The following USH2A variants were observed in gnomAD, a reference collection of about 807,000 sequenced individuals.
USH2A encodes the protein Usher syndrome 2A (autosomal recessive, mild).
A neutral mutation model predicts 538.9 loss-of-function variants in USH2A; 443 were observed. The observed-to-expected ratio is 0.82, with a 90% CI of 0.76 to 0.89. The LOEUF (loss-of-function observed/expected upper bound fraction) is 0.89, where lower values mean the gene tolerates loss of function less well. Ranked by LOEUF, USH2A falls within the 40% of genes least tolerant of loss-of-function variation. USH2A has a pLI of 0.00. For missense variants in USH2A, 6,633 were observed against 6,324.8 expected (o/e 1.05, Z -1.65); for synonymous variants, 2,413 against 2,273.5 (o/e 1.06, Z -1.75).
chr1:215,691,945 T>C (rs1484776385), intron 61 of USH2A, among the ~76,000 whole-genome samples: 1 of 152,080 alleles, frequency 6.6e-6, no homozygotes, highest in African/African-American at 2.4e-5. Flanking sequence ...CCAAACTCAG[T>C]GGCAGATGCA....
chr1:216,218,977 C>T (rs2035399169), intron 14 of USH2A, among the ~76,000 whole-genome samples: 2 of 121,532 alleles, frequency 1.6e-5, no homozygotes, highest in Admixed American at 1.9e-4. Flanking sequence ...AAGAGAAAAG[C>T]TTCTCTCAAT....
intron 61 of USH2A, among the ~76,000 whole-genome samples, chr1:215,715,880 C>T (rs1659467692): frequency 6.6e-6 from 1 of 152,180 alleles, no homozygotes; most frequent in African/African-American, 2.4e-5. Flanking sequence ...TATTGCCTGG[C>T]AATTTTCTTG....
At chr1:216,123,287 T>C (rs918766714) in intron 21 of USH2A, among the ~76,000 whole-genome samples, 33 of 152,158 alleles carry the variant, frequency 2.2e-4, no homozygotes, top group Non-Finnish European at 4.6e-4. Context: ...AAAAAGTAGG[T>C]AAAGAGTAAG....
intron 32 of USH2A, among the ~76,000 whole-genome samples, chr1:216,011,503 T>G (rs572191267): frequency 6.6e-6 from 1 of 152,202 alleles, no homozygotes; most frequent in Admixed American, 6.5e-5. Flanking sequence ...CTCAATCCCT[T>G]ACAAAACAAC....
rs1401035929 is a variant in USH2A at position 215,998,992 on chromosome 1, T to G, written c.6552A>C (p.Thr2184=). Residue 2184 remains threonine, a synonymous_variant, in exon 34 of 72, where the codon ACA becomes ACC. Coordinates refer to ENST00000307340, the MANE Select transcript of USH2A (RefSeq NM_206933.4). ...ERYVLYMSNH[T]HDFTIWSVIY... The stretch of plus-strand genomic sequence containing the variant: ...TGACACTCCAAATTGTAAAATCATG[T>G]GTATGGTTTGACATATATAATACAT... 1 of 1,612,716 alleles carries G rather than the reference T, an allele frequency of 6.2e-7. No individual in the cohort carries two copies. The highest frequency in any genetic ancestry group is 1.7e-5 in the Admixed American group (1 of 59,956).
At chr1:216,263,147 C>A (rs1355674928) in intron 11 of USH2A, among the ~76,000 whole-genome samples, 1 of 152,098 alleles carries the variant, frequency 6.6e-6, no homozygotes, top group Non-Finnish European at 1.5e-5. Flanking sequence ...AGTCTCCCAA[C>A]AAAGAAAAGT....
chr1:215,635,967 C>T (rs763895332), intron 69 of USH2A, among the ~76,000 whole-genome samples: 45 of 95,624 alleles, frequency 4.7e-4, no homozygotes, highest in Non-Finnish European at 7.3e-4. Flanking sequence ...AGCAGGGGTG[C>T]GGCAGGGGTG....
intron 14 of USH2A, among the ~76,000 whole-genome samples, chr1:216,223,643 C>G (rs1392746995): frequency 1.3e-5 from 2 of 152,254 alleles, no homozygotes; most frequent in Non-Finnish European, 2.9e-5. Flanking sequence ...GCCTTGGCTG[C>G]CAGATGATGA....
intron 3 of USH2A, among the ~76,000 whole-genome samples, chr1:216,388,172 T>C (rs2039037047): frequency 6.6e-6 from 1 of 152,214 alleles, no homozygotes; most frequent in East Asian, 1.9e-4. Flanking sequence ...TTTTCTCAAA[T>C]GAATTGAATG....
chr1:216,172,100 G>A (rs1271435350), intron 21 of USH2A, among the ~76,000 whole-genome samples: 1 of 151,954 alleles, frequency 6.6e-6, no homozygotes, highest in East Asian at 1.9e-4. Flanking sequence ...AACATTTTAG[G>A]ACATATATTC....
intron 21 of USH2A, among the ~76,000 whole-genome samples, chr1:216,112,918 G>A (rs559565241): frequency 2.0e-5 from 3 of 151,946 alleles, no homozygotes; most frequent in African/African-American, 4.8e-5. Flanking sequence ...ATGAACACCC[G>A]CGAGCATGTG....
At position 216,340,491 on chromosome 1, in the gene USH2A, T is replaced by C. The variant is rs56183214; in HGVS notation, c.785-12837A>G. Among the ~76,000 whole-genome samples, 546 of 147,720 alleles carry C rather than the reference T, an allele frequency of 3.7e-3. 2 individuals are homozygous for C. The highest frequency in any genetic ancestry group is 0.013 in the African/African-American group (521 of 39,396). Reference sequence around the variant, plus strand: ...AGGAATTCCTCCCTAACTCATTTTATGAGGCCAGCATCATCCTGATACAAA... The same window carrying C: ...AGGAATTCCTCCCTAACTCATTTTACGAGGCCAGCATCATCCTGATACAAA... On this transcript the variant is annotated intron_variant, in intron 4 of 71. Transcript: ENST00000307340.
intron 59 of USH2A, among the ~76,000 whole-genome samples, chr1:215,742,848 A>G (rs1368754264): frequency 6.6e-6 from 1 of 152,196 alleles, no homozygotes; most frequent in East Asian, 1.9e-4. Flanking sequence ...TATGTTTTCT[A>G]TGAAATATTT....
intron 61 of USH2A, among the ~76,000 whole-genome samples, chr1:215,716,284 G>C (rs1232700612): frequency 6.6e-6 from 1 of 152,250 alleles, no homozygotes; most frequent in Non-Finnish European, 1.5e-5. Context: ...CTTGATAACT[G>C]TTTCATAATG....
At chr1:215,963,464 C>G (rs914645375) in intron 37 of USH2A, among the ~76,000 whole-genome samples, 2 of 152,090 alleles carry the variant, frequency 1.3e-5, no homozygotes, top group African/African-American at 4.8e-5. Context: ...TTCTTTAAGT[C>G]AAATCTCGTA....
At chr1:215,779,180 A>G (rs1270144509) in intron 55 of USH2A, among the ~76,000 whole-genome samples, 1 of 152,188 alleles carries the variant, frequency 6.6e-6, no homozygotes. Flanking sequence ...TGTGTTAGAG[A>G]ACCTATTCGA....
chr1:216,066,224 A>T (rs760204214), intron 30 of USH2A, among the ~76,000 whole-genome samples: 8 of 152,014 alleles, frequency 5.3e-5, no homozygotes, highest in Non-Finnish European at 7.4e-5. Context: ...TAATCCCAGC[A>T]CTTTGGGAGG....
chr1:215,626,194 GA>G (rs1041650560), intron 71 of USH2A, among the ~76,000 whole-genome samples: 4 of 150,246 alleles, frequency 2.7e-5, no homozygotes, highest in African/African-American at 9.8e-5. Flanking sequence ...ATATATACTT[GA>G]TAAAAATAAA....
intron 43 of USH2A, among the ~76,000 whole-genome samples, chr1:215,874,628 T>C (rs550147516): frequency 7.9e-4 from 121 of 152,310 alleles, no homozygotes; most frequent in African/African-American, 2.8e-3. Flanking sequence ...AACTTATATT[T>C]ACTGTCACAA....
Sources: allele counts gnomAD v4.1 joint callset (sites outside exome capture counted in the v4.1 genomes callset), GRCh38; gene constraint gnomAD v4.1.1; transcripts MANE v1.5; gene names NCBI Gene and HGNC (gene_info 2026-07-23, HGNC 2026-07-21).